Variants in SORCS2 observed in about 807,000 individuals in gnomAD.
The protein encoded by SORCS2 is sortilin related VPS10 domain containing receptor 2.
SORCS2 carries 100 observed loss-of-function variants against 141.6 expected under a neutral mutation model. The ratio of observed to expected loss-of-function variants is 0.71; its 90% CI spans 0.60 to 0.83. SORCS2 has a LOEUF of 0.83. SORCS2 is among the 40% of genes least tolerant of loss of function. SORCS2 has a pLI of 0.00. For missense variants in SORCS2, 1,646 were observed against 1,560.2 expected (o/e 1.05, Z -0.93); for synonymous variants, 789 against 676.9 (o/e 1.17, Z -2.57).
intron 2 of SORCS2, among the ~76,000 whole-genome samples, chr4:7,520,251 C>T (rs945438881): frequency 2.0e-5 from 3 of 152,232 alleles, no homozygotes; most frequent in African/African-American, 7.2e-5. Context: ...TGGAAAGGAA[C>T]TCTGGCACTG....
At chr4:7,690,208 A>T (rs1016947577) in intron 11 of SORCS2, among the ~76,000 whole-genome samples, 38 of 142,576 alleles carry the variant, frequency 2.7e-4, no homozygotes, top group African/African-American at 9.1e-4. Flanking sequence ...AGTGGATGAA[A>T]GGATGAGTGG....
chr4:7,613,131 C>T (rs550053980), intron 3 of SORCS2, among the ~76,000 whole-genome samples: 2 of 152,380 alleles, frequency 1.3e-5, no homozygotes, highest in South Asian at 4.1e-4. Context: ...AAGGAGGTGT[C>T]AGCCTTCCAG....
chr4:7,699,752 C>G (rs1230763710), intron 12 of SORCS2, among the ~76,000 whole-genome samples: 2 of 152,196 alleles, frequency 1.3e-5, no homozygotes, highest in Admixed American at 6.5e-5. Context: ...TCTCCGCCAC[C>G]CGCCTGGCCA....
chr4:7,652,607 C>T (rs1455203530), intron 4 of SORCS2, among the ~76,000 whole-genome samples: 1 of 152,162 alleles, frequency 6.6e-6, no homozygotes, highest in Admixed American at 6.5e-5. Flanking sequence ...CCCTCTCACC[C>T]TCTTTGCTCT....
chr4:7,406,365 A>G, intron 2 of SORCS2, among the ~76,000 whole-genome samples: 1 of 59,886 alleles, frequency 1.7e-5, no homozygotes, highest in Non-Finnish European at 3.4e-5. Flanking sequence ...ATTGGATCCT[A>G]GGCTTTTTTT....
intron 1 of SORCS2, among the ~76,000 whole-genome samples, chr4:7,261,252 G>A (rs537696720): frequency 4.8e-4 from 73 of 152,204 alleles, no homozygotes; most frequent in Non-Finnish European, 8.5e-4. Context: ...AGGCCAGAGG[G>A]GCTGGTGATT....
chr4:7,536,847 G>T (rs1163960447), intron 3 of SORCS2, among the ~76,000 whole-genome samples: 16 of 146,516 alleles, frequency 1.1e-4, no homozygotes, highest in East Asian at 9.9e-4. Flanking sequence ...GGGGGGGGCG[G>T]GCAGGGCCCA....
At chr4:7,466,060 A>G (rs1729598911) in intron 2 of SORCS2, among the ~76,000 whole-genome samples, 1 of 152,224 alleles carries the variant, frequency 6.6e-6, no homozygotes, top group African/African-American at 2.4e-5. Flanking sequence ...TGCTATCCAC[A>G]TCATGGGTAT....
chr4:7,709,356 G>A (rs1415216844), intron 14 of SORCS2, among the ~76,000 whole-genome samples: 3 of 152,228 alleles, frequency 2.0e-5, no homozygotes, highest in Non-Finnish European at 1.5e-5. Context: ...CGCCCCGGCT[G>A]TCATGAGGTC....
At chr4:7,509,461 G>C (rs1431601675) in intron 2 of SORCS2, among the ~76,000 whole-genome samples, 1 of 152,324 alleles carries the variant, frequency 6.6e-6, no homozygotes, top group South Asian at 2.1e-4. Flanking sequence ...GCAGCAGGGG[G>C]ATGACGGCAC....
chr4:7,264,309 G>T (rs781264111), intron 1 of SORCS2, among the ~76,000 whole-genome samples: 4 of 152,214 alleles, frequency 2.6e-5, no homozygotes, highest in Non-Finnish European at 5.9e-5. Flanking sequence ...CTCAGCACCT[G>T]GGTGCCTGTC....
intron 2 of SORCS2, among the ~76,000 whole-genome samples, chr4:7,464,019 C>T (rs1426589842): frequency 6.6e-6 from 1 of 152,164 alleles, no homozygotes; most frequent in African/African-American, 2.4e-5. Flanking sequence ...TGACTGTGAA[C>T]CCAAGTATTC....
At chr4:7,602,180 T>C (rs1717741559) in intron 3 of SORCS2, among the ~76,000 whole-genome samples, 1 of 152,260 alleles carries the variant, frequency 6.6e-6, no homozygotes, top group African/African-American at 2.4e-5. Flanking sequence ...AATGGGCTGC[T>C]GGGTACACCT....
chr4:7,299,441 ACATCTCTCGGGGAC>A (rs1717291356), intron 1 of SORCS2, among the ~76,000 whole-genome samples: 1 of 152,192 alleles, frequency 6.6e-6, no homozygotes, highest in Non-Finnish European at 1.5e-5. Context: ...GGCCTCGGAT[ACATCTCTCGGGGAC>A]CATCTGGCCT....
chr4:7,501,232 C>T (rs992525118), intron 2 of SORCS2, among the ~76,000 whole-genome samples: 15 of 152,246 alleles, frequency 9.9e-5, no homozygotes, highest in African/African-American at 3.6e-4. Context: ...CTCGGTCCCA[C>T]GCCCTCGTGG....
chr4:7,479,405 C>A (rs959133843), intron 2 of SORCS2, among the ~76,000 whole-genome samples: 1 of 152,192 alleles, frequency 6.6e-6, no homozygotes, highest in African/African-American at 2.4e-5. Context: ...CCCAGATAAA[C>A]AAACCTGCTC....
rs917969397 is a variant in SORCS2, at chr4:7,193,598, G to C, written c.480+472G>C. Among the ~76,000 whole-genome samples, 1 of 152,080 alleles carries C rather than the reference G, an allele frequency of 6.6e-6. No individual in the cohort carries two copies. The highest frequency in any genetic ancestry group is 1.5e-5 in the Non-Finnish European group (1 of 68,004). ...CCGCGGTGGCGCCTCCGCAGGCTCCGGGACTTCCCCGGTCAGCTCGAATCC... is the reference window on the plus strand; with the variant it reads ...CCGCGGTGGCGCCTCCGCAGGCTCCCGGACTTCCCCGGTCAGCTCGAATCC... On this transcript the variant is annotated intron_variant, in intron 1 of 26. Transcript: ENST00000507866. This position sits in a 1 kb window ranked among gnomAD's most constrained non-coding sequence, Gnocchi z 4.8.
At chr4:7,561,204 A>C (rs1010543625) in intron 3 of SORCS2, among the ~76,000 whole-genome samples, 10 of 152,084 alleles carry the variant, frequency 6.6e-5, no homozygotes, top group African/African-American at 1.9e-4. Flanking sequence ...AAACCCACTC[A>C]GTTTTTAATT....
intron 3 of SORCS2, among the ~76,000 whole-genome samples, chr4:7,532,730 G>C (rs1328056372): frequency 6.6e-6 from 1 of 152,084 alleles, no homozygotes; most frequent in African/African-American, 2.4e-5. Context: ...GTGCAGCCTT[G>C]ATTGGGCCGT....
Sources: gnomAD v4.1 joint callset for allele counts (sites outside exome capture counted in the v4.1 genomes callset) on GRCh38, gnomAD v4.1.1 for gene constraint, Gnocchi (gnomAD v3.1) non-coding constraint, MANE v1.5 for transcripts, NCBI Gene and HGNC (gene_info 2026-07-23, HGNC 2026-07-21) for gene names.